Variants in MSI2 observed in about 807,000 individuals in gnomAD.
The protein encoded by MSI2 is RNA-binding protein Musashi homolog 2.
MSI2 carries 17 observed loss-of-function variants against 45.6 expected under a neutral mutation model. That is an observed-to-expected ratio of 0.37 (90% CI 0.26 to 0.56). The LOEUF is 0.56. Ranked by LOEUF, MSI2 falls within the 20% of genes least tolerant of loss-of-function variation. The pLI is 0.77. For missense variants in MSI2, 293 were observed against 444.2 expected (o/e 0.66, Z 3.06); for synonymous variants, 156 against 158.2 (o/e 0.99, Z 0.11).
chr17:57,326,136 G>A (rs951678728), intron 5 of MSI2, among the ~76,000 whole-genome samples: 3 of 151,958 alleles, frequency 2.0e-5, no homozygotes, highest in South Asian at 4.2e-4. Context: ...CTAATGCTTC[G>A]TTGCTGTATG....
intron 6 of MSI2, among the ~76,000 whole-genome samples, chr17:57,520,622 G>C (rs1037443599): frequency 2.0e-5 from 3 of 152,000 alleles, no homozygotes; most frequent in Non-Finnish European, 4.4e-5. Context: ...TATATTTTTT[G>C]CCACAATTAA....
At chr17:57,382,174 C>T (rs1339253402) in intron 5 of MSI2, among the ~76,000 whole-genome samples, 2 of 152,180 alleles carry the variant, frequency 1.3e-5, no homozygotes, top group Non-Finnish European at 2.9e-5. Context: ...TTGCATGTCA[C>T]TGAATGGCCC....
At chr17:57,355,076 G>C (rs753722036) in intron 5 of MSI2, among the ~76,000 whole-genome samples, 1 of 152,190 alleles carries the variant, frequency 6.6e-6, no homozygotes, top group Non-Finnish European at 1.5e-5. Flanking sequence ...CCACATAACT[G>C]TAAAGTCCAG....
intron 5 of MSI2, among the ~76,000 whole-genome samples, chr17:57,359,477 T>C (rs1916675686): frequency 6.6e-6 from 1 of 152,144 alleles, no homozygotes; most frequent in African/African-American, 2.4e-5. Context: ...GAGTCTTAGT[T>C]TCTTCAACTA....
chr17:57,379,583 C>T (rs1358166961), intron 5 of MSI2, among the ~76,000 whole-genome samples: 1 of 151,958 alleles, frequency 6.6e-6, no homozygotes, highest in East Asian at 1.9e-4. Context: ...AGCTGTCGGC[C>T]ATCAGGAAGT....
intron 5 of MSI2, among the ~76,000 whole-genome samples, chr17:57,364,691 A>C (rs769459866): frequency 9.9e-5 from 15 of 152,058 alleles, no homozygotes; most frequent in Non-Finnish European, 1.6e-4. Flanking sequence ...GCTCCCCCAG[A>C]TGACATTCGG....
chr17:57,584,818 A>G (rs1351411752), intron 7 of MSI2, among the ~76,000 whole-genome samples: 1 of 149,990 alleles, frequency 6.7e-6, no homozygotes, highest in Admixed American at 6.6e-5. Context: ...ACCTAAATGG[A>G]TGCACCTTAG....
intron 5 of MSI2, among the ~76,000 whole-genome samples, chr17:57,350,864 G>A (rs981233789): frequency 6.6e-6 from 1 of 152,130 alleles, no homozygotes; most frequent in Non-Finnish European, 1.5e-5. Context: ...CATGGGAGGG[G>A]GTACTTGAGA....
intron 10 of MSI2, chr17:57,629,608 A>C (rs888201263): frequency 1.3e-5 from 2 of 152,304 alleles, no homozygotes; most frequent in Non-Finnish European, 2.9e-5. Context: ...CTAAAGGAAG[A>C]GGGCTGTTAC....
intron 5 of MSI2, among the ~76,000 whole-genome samples, chr17:57,285,019 T>A (rs1452113940): frequency 6.6e-6 from 1 of 152,042 alleles, no homozygotes; most frequent in East Asian, 1.9e-4. Flanking sequence ...TCTGGAAGAC[T>A]TGTAGGAGGA....
At chr17:57,444,576 G>A (rs113420964) in intron 6 of MSI2, 2,254 of 150,804 alleles carry the variant, frequency 0.015, 30 homozygotes, top group Middle Eastern at 0.028. Context: ...GCAAGACTCC[G>A]TCTCAAAAGA....
At chr17:57,365,790 C>T (rs1168100459) in intron 5 of MSI2, among the ~76,000 whole-genome samples, 1 of 152,146 alleles carries the variant, frequency 6.6e-6, no homozygotes, top group Non-Finnish European at 1.5e-5. Context: ...GGACAGTATA[C>T]CTGGTGCTGT....
intron 6 of MSI2, among the ~76,000 whole-genome samples, chr17:57,423,974 C>T (rs1167932466): frequency 6.6e-6 from 1 of 152,198 alleles, no homozygotes; most frequent in Non-Finnish European, 1.5e-5. Context: ...GATGAATAAA[C>T]CAAGAGGACA....
At chr17:57,363,835 A>C (rs1917003964) in intron 5 of MSI2, among the ~76,000 whole-genome samples, 1 of 152,224 alleles carries the variant, frequency 6.6e-6, no homozygotes, top group African/African-American at 2.4e-5. Flanking sequence ...GGCTGATGGG[A>C]AGCCTTATGT....
intron 6 of MSI2, among the ~76,000 whole-genome samples, chr17:57,422,322 T>C (rs1169707241): frequency 2.0e-5 from 3 of 152,082 alleles, no homozygotes; most frequent in Non-Finnish European, 4.4e-5. Flanking sequence ...TATCCGAGCA[T>C]GATGGCAGGT....
Position 57,652,112 on chromosome 17 carries a change from G to T in MSI2, c.741G>T (p.Ala247=), listed in dbSNP as rs778007624. ...TCTCCTGACCAGGCTTCCCAGCAGC[G>T]GCTTATGGACCAGTGGCAGCAGCGG... ...YGYQFPGFPA[A]AYGPVAAAAV... is the part of the protein sequence containing the mutation. The change falls in exon 11 of 14, where the codon GCG becomes GCT. Residue 247 remains alanine (A), a synonymous_variant. Coordinates refer to ENST00000284073, the MANE Select transcript of MSI2 (RefSeq NM_138962.4). The surrounding 1 kb of genome is among the most constrained non-coding windows in gnomAD (Gnocchi z 4.1). The T allele has an allele frequency of 6.2e-7, 1 of 1,614,074 alleles. No individual in the cohort carries two copies. Among genetic ancestry groups the T allele is most frequent in the Non-Finnish European group, 8.5e-7 (1 of 1,179,990 alleles).
chr17:57,334,595 A>G (rs557816789), intron 5 of MSI2, among the ~76,000 whole-genome samples: 4 of 152,268 alleles, frequency 2.6e-5, no homozygotes, highest in Non-Finnish European at 4.4e-5. Flanking sequence ...GGAGTTCGAG[A>G]CCAGCCTGGC....
At chr17:57,699,878 T>G in the MSI2 span, among the ~76,000 whole-genome samples, 1 of 152,230 alleles carries the variant, frequency 6.6e-6, no homozygotes, top group Non-Finnish European at 1.5e-5. Flanking sequence ...TCTGGTTAAT[T>G]GCCAGGACAC....
At chr17:57,400,920 C>T (rs2083977380) in intron 5 of MSI2, among the ~76,000 whole-genome samples, 1 of 152,118 alleles carries the variant, frequency 6.6e-6, no homozygotes, top group Non-Finnish European at 1.5e-5. Context: ...CAGACGTATA[C>T]CAGCACCAAG....
Sources: allele counts gnomAD v4.1 joint callset (sites outside exome capture counted in the v4.1 genomes callset), GRCh38; gene constraint gnomAD v4.1.1; non-coding constraint Gnocchi (gnomAD v3.1); transcripts MANE v1.5; gene names NCBI Gene and HGNC (gene_info 2026-07-23, HGNC 2026-07-21).